CTCF: variants seen among roughly 807,000 people sequenced by gnomAD.
The protein encoded by CTCF is CCCTC-binding factor.
A neutral mutation model predicts 72.3 loss-of-function variants in CTCF; 7 were observed. That is an observed-to-expected ratio of 0.10 (90% CI 0.06 to 0.18). CTCF has a LOEUF of 0.18. CTCF is among the 10% of genes least tolerant of loss of function. The pLI, the probability that CTCF is intolerant of heterozygous loss-of-function variation, is 1.00. For missense variants in CTCF, 516 were observed against 949.1 expected (o/e 0.54, Z 6.00); for synonymous variants, 374 against 315.8 (o/e 1.18, Z -1.95).
intron 2 of CTCF, among the ~76,000 whole-genome samples, chr16:67,575,053 T>C (rs1462812520): frequency 2.0e-5 from 3 of 152,240 alleles, no homozygotes; most frequent in Non-Finnish European, 4.4e-5. Context: ...TTACATTTTT[T>C]CCATATGTCC....
At chr16:67,571,112 T>C (rs2051413222) in intron 1 of CTCF, 36 bp from the exon 2 acceptor site, 1 of 152,514 alleles carries the variant, frequency 6.6e-6, no homozygotes, top group African/African-American at 2.4e-5. Context: ...TGTATGAATT[T>C]AGTGTTTCAT....
intron 2 of CTCF, among the ~76,000 whole-genome samples, chr16:67,578,325 C>CTTTTTTTTTTT (rs944395345): frequency 1.2e-5 from 1 of 84,490 alleles, no homozygotes; most frequent in Non-Finnish European, 2.2e-5. Flanking sequence ...GTTTATGTAT[C>CTTTTTTTTTTT]TTTTTTTTTT....
intron 2 of CTCF, among the ~76,000 whole-genome samples, chr16:67,584,764 C>T (rs901563861): frequency 6.6e-6 from 1 of 152,142 alleles, no homozygotes; most frequent in Non-Finnish European, 1.5e-5. Flanking sequence ...TCAATCCCTT[C>T]ATTTTACAGA....
intron 2 of CTCF, among the ~76,000 whole-genome samples, chr16:67,572,938 C>A: frequency 1.4e-5 from 1 of 69,802 alleles, no homozygotes. Context: ...ACTCTGTCTG[C>A]CCCCCCCCGC....
At chr16:67,567,190 C>T (rs1313283173) in intron 1 of CTCF, among the ~76,000 whole-genome samples, 2 of 152,142 alleles carry the variant, frequency 1.3e-5, no homozygotes, top group African/African-American at 2.4e-5. Context: ...TCGTATCTTT[C>T]CTGCTAGTAT....
At chr16:67,637,635 G>GA in intron 11 of CTCF, 53 bp from the exon 12 acceptor site, 1 of 1,509,232 alleles carries the variant, frequency 6.6e-7, no homozygotes, top group South Asian at 1.2e-5. Context: ...AGACCCTTGT[G>GA]ATTCTTGGGG....
intron 2 of CTCF, among the ~76,000 whole-genome samples, chr16:67,584,583 C>A (rs971698803): frequency 4.0e-5 from 6 of 151,630 alleles, no homozygotes; most frequent in African/African-American, 1.5e-4. Context: ...GCCTTGGCCT[C>A]CCAAAGTGCT....
rs935792574 is a variant in CTCF at position 67,638,811 on chromosome 16, C to T, written c.*939C>T. On this transcript the variant is annotated 3_prime_UTR_variant, in exon 12 of 12. Transcript: ENST00000264010. ...TCACAGCAGCCCTTATAAGCTGGGC[C>T]AGAAAATTTCACTAGGTCAGTAATT... 1 of 212,626 alleles carries T rather than the reference C, an allele frequency of 4.7e-6. No individual in the cohort carries two copies. The highest frequency in any genetic ancestry group is 9.5e-6 in the Non-Finnish European group (1 of 104,824). 13.2% of individuals were successfully genotyped at this position (212,626 alleles called of 1,614,324 possible). A position where few individuals can be genotyped will look rare whatever the true frequency, so the allele number is the denominator to read the frequency against.
intron 10 of CTCF, among the ~76,000 whole-genome samples, chr16:67,635,363 A>G (rs1200167576): frequency 6.6e-6 from 1 of 150,806 alleles, no homozygotes; most frequent in Non-Finnish European, 1.5e-5. Context: ...ACGGGGTTTC[A>G]CCATATTTGC....
At chr16:67,575,673 C>A (rs933770020) in intron 2 of CTCF, among the ~76,000 whole-genome samples, 4 of 152,004 alleles carry the variant, frequency 2.6e-5, no homozygotes, top group African/African-American at 9.7e-5. Flanking sequence ...AAACTCCTGA[C>A]CTCAGGTGAT....
intron 2 of CTCF, among the ~76,000 whole-genome samples, chr16:67,609,882 T>A (rs912538121): frequency 1.3e-5 from 2 of 152,164 alleles, no homozygotes; most frequent in Non-Finnish European, 2.9e-5. Context: ...CGCCTCAGCC[T>A]CCCAAAGTGC....
intron 10 of CTCF, among the ~76,000 whole-genome samples, chr16:67,633,044 T>C (rs2052385308): frequency 6.6e-6 from 1 of 152,218 alleles, no homozygotes; most frequent in Non-Finnish European, 1.5e-5. Context: ...GTTTGAATTC[T>C]ACCTGCTGTG....
intron 2 of CTCF, among the ~76,000 whole-genome samples, chr16:67,604,128 C>CAAAA (rs762004795): frequency 3.5e-5 from 2 of 57,528 alleles, no homozygotes; most frequent in African/African-American, 1.3e-4. Flanking sequence ...AACCCCGTCT[C>CAAAA]AAAAAAAAAA....
At chr16:67,637,523 T>C (rs745998365) in intron 11 of CTCF, among the ~76,000 whole-genome samples, 165 bp from the exon 12 acceptor site, 1 of 152,116 alleles carries the variant, frequency 6.6e-6, no homozygotes, top group African/African-American at 2.4e-5. Context: ...AGAGCAAGAC[T>C]CCGTCTCAAA....
At chr16:67,630,115 A>C (rs572979156) in intron 10 of CTCF, among the ~76,000 whole-genome samples, 2 of 152,068 alleles carry the variant, frequency 1.3e-5, no homozygotes, top group East Asian at 3.9e-4. Flanking sequence ...TTAAAGCAAA[A>C]TTAATATTTT....
rs182485573 is a variant in CTCF at position 67,632,100 on chromosome 16, T to C, written c.1837+2567T>C. On this transcript the variant is annotated intron_variant, in intron 10 of 11. Transcript: ENST00000264010. ...AAAAAAAAAAAAAAAGGGAAAAAAA[T>C]TATTGCACTGAACTGTTGGGGGTTT... Among the ~76,000 whole-genome samples, 219 of 144,888 alleles carry C rather than the reference T, an allele frequency of 1.5e-3. 1 individual carries two copies. Among genetic ancestry groups the C allele is most frequent in the African/African-American group, 5.5e-3 (215 of 38,998 alleles).
intron 2 of CTCF, among the ~76,000 whole-genome samples, chr16:67,607,129 G>C (rs1226353866): frequency 2.0e-5 from 3 of 151,390 alleles, no homozygotes; most frequent in Admixed American, 6.6e-5. Context: ...GCTAATTTTT[G>C]TATTTTTAAT....
chr16:67,636,711 A>C lies in CTCF; in HGVS notation c.1859A>C (p.Asp620Ala). ...AAAGAAAATGCTGAACCAGATCTGGACGACAATGAGGATGAGGAGGAGCCT... is the reference window on the plus strand; with the variant it reads ...AAAGAAAATGCTGAACCAGATCTGGCCGACAATGAGGATGAGGAGGAGCCT... ...SDSENAEPDL[D>A]DNEDEEEPAV... Residue 620 changes from aspartate (D) to alanine (A), a missense_variant, in exon 11 of 12, where the codon GAC (aspartate) becomes GCC (alanine). Coordinates refer to ENST00000264010, the MANE Select transcript of CTCF (RefSeq NM_006565.4). 6.2e-7 allele frequency: 1 copy of C among 1,607,474 alleles called. No homozygotes were observed. Among genetic ancestry groups the C allele is most frequent in the Non-Finnish European group, 8.5e-7 (1 of 1,176,772 alleles).
At chr16:67,619,621 C>T (rs1466739509) in intron 5 of CTCF, among the ~76,000 whole-genome samples, 1 of 152,134 alleles carries the variant, frequency 6.6e-6, no homozygotes, top group Admixed American at 6.6e-5. Context: ...CACTCTGTCG[C>T]CCAGGCTGGA....
Sources: allele counts gnomAD v4.1 joint callset (sites outside exome capture counted in the v4.1 genomes callset), GRCh38; gene constraint gnomAD v4.1.1; transcripts MANE v1.5; gene names NCBI Gene and HGNC (gene_info 2026-07-23, HGNC 2026-07-21).